The following CNTNAP5 variants were observed in gnomAD, a reference collection of about 807,000 sequenced individuals.
CNTNAP5 encodes contactin-associated protein-like 5.
In CNTNAP5, 72 loss-of-function variants were observed where a neutral mutation model predicts 150.2. The ratio of observed to expected loss-of-function variants is 0.48; its 90% CI spans 0.40 to 0.58. CNTNAP5 has a LOEUF of 0.58. Ranked by LOEUF, CNTNAP5 falls within the 20% of genes least tolerant of loss-of-function variation. The probability of loss-of-function intolerance (pLI) is 0.00; values close to 1 mark genes in which losing one functional copy is unlikely to be tolerated. For missense variants in CNTNAP5, 1,636 were observed against 1,626.2 expected, an observed-to-expected ratio of 1.01 and a Z score of -0.10; for synonymous variants, 672 against 619.8, an observed-to-expected ratio of 1.08 and a Z score of -1.25.
At chr2:124,263,334 G>C (rs1425343813) in intron 3 of CNTNAP5, among the ~76,000 whole-genome samples, 2 of 151,974 alleles carry the variant, frequency 1.3e-5, no homozygotes, top group African/African-American at 2.4e-5. Flanking sequence ...TTTTAATGAT[G>C]GCCATTCTAA....
chr2:124,470,359 T>C (rs1335062092), intron 6 of CNTNAP5, among the ~76,000 whole-genome samples: 2 of 152,218 alleles, frequency 1.3e-5, no homozygotes, highest in Non-Finnish European at 2.9e-5. Context: ...GTTAGCTGCA[T>C]GTATGTCTTC....
chr2:124,677,100 A>G (rs1253558272), intron 13 of CNTNAP5, among the ~76,000 whole-genome samples: 2 of 152,086 alleles, frequency 1.3e-5, no homozygotes, highest in African/African-American at 4.8e-5. Context: ...GTTCTTAAAG[A>G]TGGTGTGTCC....
intron 19 of CNTNAP5, among the ~76,000 whole-genome samples, chr2:124,819,603 C>G (rs575738352): frequency 9.2e-5 from 14 of 152,202 alleles, no homozygotes; most frequent in African/African-American, 3.4e-4. Flanking sequence ...GTCAGTGGAG[C>G]CTGCTGGGCT....
rs534423683 is a variant in CNTNAP5, at chr2:124,036,302, A to G, written c.82+10570A>G. ...GGGAGTAAGAAGGACTTATTAATTC[A>G]CAAGGGAAAAGGAAACCCACAGACT... On this transcript the variant is annotated intron_variant, in intron 1 of 23. Coordinates refer to ENST00000682447, the MANE Select transcript of CNTNAP5 (RefSeq NM_001367498.1). 3.3e-5 allele frequency among the ~76,000 whole-genome samples: 5 copies of G among 152,224 alleles called. No individual in the cohort carries two copies. The East Asian group carries it at 7.8e-4, about 24-fold the overall frequency.
chr2:124,153,292 C>T (rs950115761), intron 1 of CNTNAP5, among the ~76,000 whole-genome samples: 1 of 152,156 alleles, frequency 6.6e-6, no homozygotes, highest in African/African-American at 2.4e-5. Context: ...AAATAATAGT[C>T]TCCAATAGCA....
At chr2:124,449,033 G>A (rs1251179760) in intron 6 of CNTNAP5, among the ~76,000 whole-genome samples, 1 of 152,198 alleles carries the variant, frequency 6.6e-6, no homozygotes, top group Non-Finnish European at 1.5e-5. Context: ...TAGAACAGTG[G>A]AGATGGAGAT....
chr2:124,709,375 T>G (rs537084734), intron 13 of CNTNAP5, among the ~76,000 whole-genome samples: 3 of 152,084 alleles, frequency 2.0e-5, no homozygotes, highest in Non-Finnish European at 4.4e-5. Context: ...TAAGGAAAAC[T>G]GCCTTCCTGA....
chr2:124,380,186 A>G (rs1269610913), intron 3 of CNTNAP5, among the ~76,000 whole-genome samples: 1 of 152,182 alleles, frequency 6.6e-6, no homozygotes, highest in Non-Finnish European at 1.5e-5. Flanking sequence ...TTAATAGTGT[A>G]TTAAGATTAA....
intron 3 of CNTNAP5, among the ~76,000 whole-genome samples, chr2:124,252,400 T>C (rs1315240537): frequency 1.3e-5 from 2 of 152,146 alleles, no homozygotes; most frequent in Non-Finnish European, 2.9e-5. Flanking sequence ...AATGCTGGCA[T>C]AGGTGTATAT....
intron 1 of CNTNAP5, among the ~76,000 whole-genome samples, chr2:124,170,920 T>C (rs771169187): frequency 2.0e-4 from 30 of 152,104 alleles, no homozygotes; most frequent in Non-Finnish European, 4.1e-4. Context: ...CTGGCTTCCA[T>C]ATCTCTTACG....
intron 3 of CNTNAP5, among the ~76,000 whole-genome samples, chr2:124,293,472 TG>T (rs1402569529): frequency 2.0e-5 from 3 of 152,124 alleles, no homozygotes; most frequent in African/African-American, 7.2e-5. Context: ...AATGCATAAT[TG>T]AAACAAAAAT....
intron 3 of CNTNAP5, among the ~76,000 whole-genome samples, chr2:124,309,048 T>C (rs1199383296): frequency 6.6e-6 from 1 of 152,178 alleles, no homozygotes; most frequent in Non-Finnish European, 1.5e-5. Context: ...CTATATATGT[T>C]TTTTTCCTAG....
intron 10 of CNTNAP5, among the ~76,000 whole-genome samples, chr2:124,554,836 C>T (rs999555274): frequency 6.6e-6 from 1 of 152,124 alleles, no homozygotes; most frequent in Non-Finnish European, 1.5e-5. Flanking sequence ...TTATAATCTT[C>T]CTACAAGAGA....
At chr2:124,527,576 G>A in intron 10 of CNTNAP5, 120 bp downstream of exon 10, 2 of 705,160 alleles carry the variant, frequency 2.8e-6, no homozygotes, top group East Asian at 2.9e-5. Flanking sequence ...ACATAATTGA[G>A]TTGCCTAATG....
chr2:124,823,534 G>A (rs1220609028), intron 19 of CNTNAP5, among the ~76,000 whole-genome samples: 1 of 152,156 alleles, frequency 6.6e-6, no homozygotes, highest in Non-Finnish European at 1.5e-5. Flanking sequence ...AACCAGCCAT[G>A]ACACATTCTA....
intron 1 of CNTNAP5, among the ~76,000 whole-genome samples, chr2:124,112,792 A>T (rs942536849): frequency 6.6e-6 from 1 of 151,570 alleles, no homozygotes; most frequent in African/African-American, 2.4e-5. Flanking sequence ...ATCCTTAAAC[A>T]CTCCGTATTT....
chr2:124,763,930 C>T (rs1311842497), intron 15 of CNTNAP5, 47 bp from the exon 16 acceptor site: 4 of 1,598,920 alleles, frequency 2.5e-6, no homozygotes, highest in African/African-American at 2.7e-5. Context: ...CTTTCCCATA[C>T]CCCACTGAAA....
At chr2:124,027,476 T>C (rs973401532) in intron 1 of CNTNAP5, among the ~76,000 whole-genome samples, 2 of 152,216 alleles carry the variant, frequency 1.3e-5, no homozygotes, top group African/African-American at 4.8e-5. Context: ...TCCACACGCA[T>C]ATGGCTGTGG....
chr2:124,882,955 C>G (rs897720739), intron 21 of CNTNAP5, among the ~76,000 whole-genome samples: 9 of 151,980 alleles, frequency 5.9e-5, no homozygotes, highest in Non-Finnish European at 8.8e-5. Context: ...GAGAAACTAC[C>G]TCCATGATTC....
Sources: allele counts gnomAD v4.1 joint callset (sites outside exome capture counted in the v4.1 genomes callset), GRCh38; gene constraint gnomAD v4.1.1; transcripts MANE v1.5; gene names NCBI Gene and HGNC (gene_info 2026-07-23, HGNC 2026-07-21).